The following PTPRN2 variants were observed in gnomAD, a reference collection of about 807,000 sequenced individuals.
PTPRN2 encodes protein tyrosine phosphatase receptor type N2.
PTPRN2 carries 74 observed loss-of-function variants against 118.8 expected under a neutral mutation model. The observed-to-expected ratio is 0.62, with a 90% CI of 0.52 to 0.76. The LOEUF (loss-of-function observed/expected upper bound fraction) is 0.76. Ranked by LOEUF, PTPRN2 falls within the 30% of genes least tolerant of loss-of-function variation. The pLI, the probability that PTPRN2 is intolerant of heterozygous loss-of-function variation, is 0.00. For missense variants in PTPRN2, 1,481 were observed against 1,394.4 expected, an observed-to-expected ratio of 1.06 and a Z score of -0.99; for synonymous variants, 641 against 608.0, an observed-to-expected ratio of 1.05 and a Z score of -0.80.
In PTPRN2 at chr7:158,094,613, T is replaced by C. The variant is rs555831841; in HGVS notation, c.1644-13236A>G. 2.6e-5 allele frequency among the ~76,000 whole-genome samples: 4 copies of C among 152,334 alleles called. No individual in the cohort carries two copies. In the East Asian group the frequency reaches 7.7e-4, roughly 29 times the overall value. ...TGAGCCACTGCTCCCGGCCCCCATC[T>C]GTGCTTTCTATTGCAGCTTCGCTCT... On this transcript the variant is annotated intron_variant, in intron 10 of 22. Transcript: ENST00000389418.
At chr7:158,125,234 C>G (rs1418535239) in intron 9 of PTPRN2, among the ~76,000 whole-genome samples, 3 of 148,166 alleles carry the variant, frequency 2.0e-5, no homozygotes, top group African/African-American at 7.5e-5. Flanking sequence ...GGCTGCCCCC[C>G]TGTCTCGAGT....
At position 157,540,367 on chromosome 7, in the gene PTPRN2, C is replaced by T. The variant is rs1797958182; in HGVS notation, c.*347G>A. The T allele has an allele frequency of 5.3e-6, 1 of 187,616 alleles. No individual in the cohort carries two copies. Among genetic ancestry groups the T allele is most frequent in the Non-Finnish European group, 1.1e-5 (1 of 90,954 alleles). 11.6% of individuals were successfully genotyped at this position (187,616 alleles called of 1,614,324 possible). A position where few individuals can be genotyped will look rare whatever the true frequency, so the allele number is the denominator to read the frequency against. The stretch of plus-strand genomic sequence containing the variant: ...CCTCCCGAAAGTGGCAGATGACAAG[C>T]ACACTCTTCCTGGAAACCGCCTCGA... On this transcript the variant is annotated 3_prime_UTR_variant, in exon 23 of 23. Coordinates refer to ENST00000389418, the MANE Select transcript of PTPRN2 (RefSeq NM_002847.5).
chr7:157,904,217 C>T (rs187614917), intron 11 of PTPRN2, among the ~76,000 whole-genome samples: 1 of 152,340 alleles, frequency 6.6e-6, no homozygotes, highest in East Asian at 1.9e-4. Flanking sequence ...GCCCCACTAA[C>T]AGCACCCACA....
intron 4 of PTPRN2, among the ~76,000 whole-genome samples, chr7:158,200,111 C>T (rs1376618467): frequency 1.3e-5 from 2 of 152,168 alleles, no homozygotes; most frequent in Non-Finnish European, 2.9e-5. Flanking sequence ...GAATCAGTCC[C>T]CTTGCTGCTA....
intron 2 of PTPRN2, among the ~76,000 whole-genome samples, chr7:158,368,446 G>C (rs943237016): frequency 6.6e-6 from 1 of 152,232 alleles, no homozygotes; most frequent in Non-Finnish European, 1.5e-5. Flanking sequence ...ACTGATCACA[G>C]TGATGACCAG....
At chr7:157,746,081 G>A (rs1389999852) in intron 12 of PTPRN2, among the ~76,000 whole-genome samples, 1 of 150,948 alleles carries the variant, frequency 6.6e-6, no homozygotes, top group African/African-American at 2.4e-5. Context: ...ACACCCCACA[G>A]TCCTCCCTAC....
chr7:157,678,548 C>A (rs1464700107), intron 13 of PTPRN2, among the ~76,000 whole-genome samples: 1 of 152,198 alleles, frequency 6.6e-6, no homozygotes, highest in Non-Finnish European at 1.5e-5. Context: ...ACGCCAGCCC[C>A]AGTCAACTGA....
intron 10 of PTPRN2, among the ~76,000 whole-genome samples, chr7:158,089,771 G>GGA (rs1813900947): frequency 9.8e-5 from 7 of 71,740 alleles, no homozygotes; most frequent in Admixed American, 4.4e-4. Context: ...CTGATGAAAA[G>GGA]GGGAATGTTC....
At chr7:158,130,912 C>CACTCAT (rs1563478619) in intron 9 of PTPRN2, among the ~76,000 whole-genome samples, 3 of 148,272 alleles carry the variant, frequency 2.0e-5, no homozygotes, top group African/African-American at 2.5e-5. Context: ...TCTACCGACA[C>CACTCAT]ACACACTCAT....
intron 2 of PTPRN2, among the ~76,000 whole-genome samples, chr7:158,484,885 T>C (rs1820891665): frequency 6.6e-6 from 1 of 152,194 alleles, no homozygotes; most frequent in African/African-American, 2.4e-5. Context: ...GAAGCTGCAG[T>C]TGGAGACGTG....
chr7:158,054,080 G>C (rs1809591515), intron 11 of PTPRN2, among the ~76,000 whole-genome samples: 1 of 151,778 alleles, frequency 6.6e-6, no homozygotes, highest in African/African-American at 2.4e-5. Flanking sequence ...AGAGACCCCA[G>C]TGATGCAGAG....
intron 6 of PTPRN2, among the ~76,000 whole-genome samples, chr7:158,162,461 G>C (rs1822446198): frequency 6.6e-6 from 1 of 152,180 alleles, no homozygotes; most frequent in Non-Finnish European, 1.5e-5. Context: ...GCCATGAAAA[G>C]ATGGGGGAAT....
intron 2 of PTPRN2, among the ~76,000 whole-genome samples, chr7:158,410,984 A>AGACACAGGGAAGGGGTGACGGGACAGTGT (rs1814029531): frequency 2.6e-5 from 4 of 152,200 alleles, no homozygotes; most frequent in African/African-American, 7.2e-5. Flanking sequence ...CCAGACATGG[A>AGACACAGGGAAGGGGTGACGGGACAGTGT]GCGTGAGTAG....
rs533586474 is a variant in PTPRN2, at chr7:158,509,949, G to A, written c.113-20164C>T. ...TGAGGCCAGGCTATGAGGGGAGCAC[G>A]AAGATAGAGGACGAGACACAAGTCA... On this transcript the variant is annotated intron_variant, in intron 1 of 22. Coordinates refer to ENST00000389418, the MANE Select transcript of PTPRN2 (RefSeq NM_002847.5). This position sits in a 1 kb window ranked among gnomAD's most constrained non-coding sequence, Gnocchi z 4.4. Among the ~76,000 whole-genome samples the A allele has an allele frequency of 1.1e-4, 16 of 152,316 alleles. No individual in the cohort carries two copies. The highest frequency in any genetic ancestry group is 3.4e-4 in the African/African-American group (14 of 41,576).
chr7:158,292,423 A>C (rs1222176689), intron 3 of PTPRN2, among the ~76,000 whole-genome samples: 2 of 152,256 alleles, frequency 1.3e-5, no homozygotes, highest in Admixed American at 1.3e-4. Flanking sequence ...TAAAAGGTAA[A>C]AACTGTGGGT....
intron 12 of PTPRN2, among the ~76,000 whole-genome samples, chr7:157,712,885 C>T (rs1316272594): frequency 6.6e-6 from 1 of 152,084 alleles, no homozygotes; most frequent in Admixed American, 6.6e-5. Flanking sequence ...CAGGTGCTGG[C>T]AGAGGCTGGA....
At chr7:158,018,377 GCT>G (rs10531656) in intron 11 of PTPRN2, among the ~76,000 whole-genome samples, 18,553 of 152,236 alleles carry the variant, frequency 0.12, 1,480 homozygotes, top group Middle Eastern at 0.27. Flanking sequence ...TAGCGTGCAT[GCT>G]CTGATGGAAT....
At position 158,320,542 on chromosome 7, in the gene PTPRN2, G is replaced by A. The variant is rs576963789; in HGVS notation, c.164-3610C>T. Among the ~76,000 whole-genome samples, 9 of 62,310 alleles carry A rather than the reference G, an allele frequency of 1.4e-4. 1 individual carries two copies. The South Asian group carries it at 2.4e-3, about 17-fold the overall frequency. The allele number at this position is 62,310 out of a possible 152,430, so 40.9% of individuals were successfully genotyped here. Reference sequence around the variant, plus strand: ...AGCGCCAGGTGGCGTCCGTGTTCCCGCGTCCTCGGCAGCGCCGGGTGGCGT... The same window carrying A: ...AGCGCCAGGTGGCGTCCGTGTTCCCACGTCCTCGGCAGCGCCGGGTGGCGT... On this transcript the variant is annotated intron_variant, in intron 2 of 22. Transcript: ENST00000389418.
At chr7:157,559,837 C>T (rs1422138958) in intron 21 of PTPRN2, among the ~76,000 whole-genome samples, 3 of 152,192 alleles carry the variant, frequency 2.0e-5, no homozygotes, top group African/African-American at 7.2e-5. Context: ...CCCCCCCCGC[C>T]CCGTCTCTCT....
Sources: gnomAD v4.1 joint callset for allele counts (sites outside exome capture counted in the v4.1 genomes callset) on GRCh38, gnomAD v4.1.1 for gene constraint, Gnocchi (gnomAD v3.1) non-coding constraint, MANE v1.5 for transcripts, NCBI Gene and HGNC (gene_info 2026-07-23, HGNC 2026-07-21) for gene names.